Variants in UEVLD observed in about 807,000 individuals in gnomAD.
UEVLD encodes ubiquitin-conjugating enzyme E2 variant 3.
In UEVLD, 47 loss-of-function variants were observed where a neutral mutation model predicts 58.6. That is an observed-to-expected ratio of 0.80 (90% CI 0.63 to 1.02). UEVLD has a LOEUF of 1.02. UEVLD is among the 50% of genes least tolerant of loss of function. The probability of loss-of-function intolerance (pLI) is 0.00; values close to 1 mark genes in which losing one functional copy is unlikely to be tolerated. For missense variants in UEVLD, 510 were observed against 550.6 expected (o/e 0.93, Z 0.74); for synonymous variants, 197 against 195.3 (o/e 1.01, Z -0.07).
chr11:18,563,778 G>A, intron 6 of UEVLD: 1 of 785,910 alleles, frequency 1.3e-6, no homozygotes, highest in Non-Finnish European at 1.6e-6. Context: ...GCCAGGGCAG[G>A]TGGATCACTT....
intron 3 of UEVLD, among the ~76,000 whole-genome samples, chr11:18,573,675 T>C (rs1213404334): frequency 2.0e-5 from 3 of 152,180 alleles, no homozygotes; most frequent in Non-Finnish European, 4.4e-5. Flanking sequence ...CCTGAGTGCC[T>C]ACTATTGCAA....
intron 7 of UEVLD, among the ~76,000 whole-genome samples, chr11:18,557,541 T>C (rs1453231925): frequency 6.6e-6 from 1 of 150,902 alleles, no homozygotes; most frequent in African/African-American, 2.5e-5. Context: ...AAACTGAATT[T>C]TTTTTCTTTT....
At position 18,564,483 on chromosome 11, in the gene UEVLD, C is replaced by G. The variant is rs905974846; in HGVS notation, c.612+409G>C. Among the ~76,000 whole-genome samples the G allele has an allele frequency of 3.8e-4, 58 of 151,074 alleles. 3 individuals are homozygous for G. The highest frequency in any genetic ancestry group is 3.8e-3 in the Admixed American group (58 of 15,144). ...CCTAAACTAGTATTAAATATCAACTCAGAAACTGTGATCCTAAAAGAAAGT... is the reference window on the plus strand; with the variant it reads ...CCTAAACTAGTATTAAATATCAACTGAGAAACTGTGATCCTAAAAGAAAGT... On this transcript the variant is annotated intron_variant, in intron 6 of 11. Transcript: ENST00000396197.
In UEVLD at chr11:18,578,792, A is replaced by C; in HGVS notation, c.59T>G (p.Leu20Arg). 2 of 1,606,156 alleles carry C rather than the reference A, an allele frequency of 1.2e-6. No individual in the cohort carries two copies. The highest frequency in any genetic ancestry group is 1.7e-6 in the Non-Finnish European group (2 of 1,176,312). ...RLLGKYKFRDLTVEELRNVNV... is the reference protein window; with the variant it reads ...RLLGKYKFRDRTVEELRNVNV... ...TACATTCCTTAGTTCTTCCACAGTT[A>C]GGTCCCTGAACTTGTACTGAAAAGA... Residue 20 changes from leucine to arginine, a missense_variant, in exon 2 of 12, where the codon CTA (leucine) becomes CGA (arginine). Coordinates refer to ENST00000396197, the MANE Select transcript of UEVLD (RefSeq NM_001040697.4).
intron 7 of UEVLD, among the ~76,000 whole-genome samples, chr11:18,548,463 G>A (rs1184415382): frequency 2.0e-5 from 3 of 152,066 alleles, no homozygotes; most frequent in African/African-American, 7.2e-5. Flanking sequence ...TTTCGCTCTT[G>A]TTGCCCCAGG....
chr11:18,544,788 T>C lies in UEVLD; in HGVS notation c.895A>G (p.Met299Val). The C allele has an allele frequency of 2.0e-6, 3 of 1,530,848 alleles. No homozygotes were observed. The highest frequency in any genetic ancestry group is 1.7e-6 in the Non-Finnish European group (2 of 1,149,256). 94.8% of individuals were successfully genotyped at this position (1,530,848 alleles called of 1,614,324 possible). ...LLVASQPVEI[M>V]TYVTWKLSTF... is the part of the protein sequence containing the mutation. ...CTCAGTTTCCATGTTACATAGGTCA[T>C]GATTTCCACTAAATATTGCATACAA... The change falls in exon 9 of 12, where the codon ATG (methionine) becomes GTG (valine). Residue 299 changes from methionine to valine, a missense_variant. Transcript: ENST00000396197.
At position 18,575,039 on chromosome 11, in the gene UEVLD, C is replaced by G. The variant is rs1341739448; in HGVS notation, c.193+308G>C. Among the ~76,000 whole-genome samples, 3 of 152,034 alleles carry G rather than the reference C, an allele frequency of 2.0e-5. No individual in the cohort carries two copies. In the East Asian group the frequency reaches 5.8e-4, roughly 29 times the overall value. On this transcript the variant is annotated intron_variant, in intron 3 of 11. Coordinates refer to ENST00000396197, the MANE Select transcript of UEVLD (RefSeq NM_001040697.4). ...AGCACCTACTTTGAAAGAAGTCCCCCCAAAATACAGCTTCCTAGTGTCTTT... is the reference window on the plus strand; with the variant it reads ...AGCACCTACTTTGAAAGAAGTCCCCGCAAAATACAGCTTCCTAGTGTCTTT...
intron 6 of UEVLD, among the ~76,000 whole-genome samples, chr11:18,560,921 G>C (rs1852001747): frequency 6.6e-6 from 1 of 152,078 alleles, no homozygotes. Context: ...TGAGGCAGGA[G>C]AATCTCTTGA....
At chr11:18,538,380 G>A (rs1039502265) in intron 9 of UEVLD, among the ~76,000 whole-genome samples, 4 of 151,162 alleles carry the variant, frequency 2.6e-5, no homozygotes, top group African/African-American at 9.7e-5. Context: ...AGGTTCAAGC[G>A]ATTCTATTGC....
intron 7 of UEVLD, among the ~76,000 whole-genome samples, chr11:18,553,551 A>G (rs1851625350): frequency 6.6e-6 from 1 of 152,200 alleles, no homozygotes; most frequent in African/African-American, 2.4e-5. Flanking sequence ...GAGGTATTAA[A>G]AAAACTGGTA....
chr11:18,535,445 G>A (rs1330579434), intron 10 of UEVLD, among the ~76,000 whole-genome samples: 1 of 152,104 alleles, frequency 6.6e-6, no homozygotes, highest in Non-Finnish European at 1.5e-5. Flanking sequence ...AAGTATAAAT[G>A]CAGGATTGTA....
At chr11:18,532,607 A>T (rs577017279) in intron 11 of UEVLD, 120 bp from the exon 12 acceptor site, 113 of 781,890 alleles carry the variant, frequency 1.4e-4, no homozygotes, top group Middle Eastern at 8.2e-4. Context: ...ACTTAAAAAA[A>T]TTTTTTTGTT....
intron 7 of UEVLD, among the ~76,000 whole-genome samples, chr11:18,550,613 T>C (rs7107057): frequency 0.37 from 56,439 of 152,046 alleles, 11,036 homozygotes; most frequent in East Asian, 0.66. Flanking sequence ...TCCTAATCAG[T>C]TGAAAGCAAT....
At chr11:18,584,383 T>A (rs1027869953) in intron 1 of UEVLD, among the ~76,000 whole-genome samples, 11 of 152,004 alleles carry the variant, frequency 7.2e-5, no homozygotes, top group Non-Finnish European at 1.6e-4. Flanking sequence ...GCTCTGTCTC[T>A]TTAAAAAAAA....
chr11:18,558,769 C>T (rs1185865796), intron 6 of UEVLD, among the ~76,000 whole-genome samples: 8 of 146,990 alleles, frequency 5.4e-5, no homozygotes, highest in African/African-American at 2.0e-4. Context: ...GGCGATAGAG[C>T]GAGACTCTAT....
intron 1 of UEVLD, among the ~76,000 whole-genome samples, chr11:18,584,448 C>T (rs367977771): frequency 6.6e-6 from 1 of 152,224 alleles, no homozygotes; most frequent in African/African-American, 2.4e-5. Flanking sequence ...GACCCACCCA[C>T]TTATGATACA....
At chr11:18,539,344 G>C (rs893611658) in intron 9 of UEVLD, among the ~76,000 whole-genome samples, 1 of 151,790 alleles carries the variant, frequency 6.6e-6, no homozygotes. Context: ...TAGGATTATA[G>C]GCATGAGCCA....
rs149581234 is a variant in UEVLD, at chr11:18,569,098, G to A, written c.357+1116C>T. On this transcript the variant is annotated intron_variant, in intron 4 of 11. Transcript: ENST00000396197. ...TTTAGTAGAGACAGGGTTTCACTGC[G>A]TTAGCCAAGATGGTCTCGATCTCCT... Among the ~76,000 whole-genome samples, 902 of 152,140 alleles carry A rather than the reference G, an allele frequency of 5.9e-3. 9 individuals carry two copies. The highest frequency in any genetic ancestry group is 0.021 in the African/African-American group (866 of 41,522).
At chr11:18,559,344 G>A (rs1048445397) in intron 6 of UEVLD, among the ~76,000 whole-genome samples, 4 of 151,892 alleles carry the variant, frequency 2.6e-5, no homozygotes, top group Non-Finnish European at 5.9e-5. Flanking sequence ...GATTACAGGC[G>A]TGCACCACCT....
Sources: gnomAD v4.1 joint callset for allele counts (sites outside exome capture counted in the v4.1 genomes callset) on GRCh38, gnomAD v4.1.1 for gene constraint, MANE v1.5 for transcripts, NCBI Gene and HGNC (gene_info 2026-07-23, HGNC 2026-07-21) for gene names.